The following DPP6 variants were observed in gnomAD, a reference collection of about 807,000 sequenced individuals.
DPP6 encodes the protein A-type potassium channel modulatory protein DPP6.
A neutral mutation model predicts 122.6 loss-of-function variants in DPP6; 69 were observed. That is an observed-to-expected ratio of 0.56 (90% CI 0.46 to 0.69). The LOEUF (loss-of-function observed/expected upper bound fraction) is 0.69. Among genes scored for constraint, DPP6 ranks in the 30% least tolerant of loss-of-function variants. DPP6 has a pLI of 0.00. For synonymous variants in DPP6, 418 were observed against 433.1 expected (o/e 0.97, Z 0.43); for missense variants, 928 against 1,116.9 (o/e 0.83, Z 2.41).
At chr7:154,313,712 T>TATATATATATATATATATATATATATTC in intron 1 of DPP6, among the ~76,000 whole-genome samples, 1 of 24,926 alleles carries the variant, frequency 4.0e-5, no homozygotes, top group Non-Finnish European at 9.8e-5. Flanking sequence ...TATATATATA[T>TATATATATATATATATATATATATATTC]ATACACACAC....
At chr7:154,113,679 C>A (rs915273955) in intron 1 of DPP6, among the ~76,000 whole-genome samples, 1 of 152,170 alleles carries the variant, frequency 6.6e-6, no homozygotes, top group African/African-American at 2.4e-5. Context: ...TGTCATGAAG[C>A]ATTTCCCCCA....
chr7:153,870,921 A>G, the DPP6 span, among the ~76,000 whole-genome samples: 1 of 152,124 alleles, frequency 6.6e-6, no homozygotes, highest in Non-Finnish European at 1.5e-5. Context: ...TCCACTCCAG[A>G]CCTTGTTTGC....
At chr7:154,422,805 G>A (rs115172388) in intron 1 of DPP6, among the ~76,000 whole-genome samples, 62 of 152,226 alleles carry the variant, frequency 4.1e-4, no homozygotes, top group African/African-American at 1.5e-3. Context: ...GCATAGCAAT[G>A]GTAACATAGA....
chr7:154,144,594 T>C (rs1796000706), intron 1 of DPP6, among the ~76,000 whole-genome samples: 2 of 147,886 alleles, frequency 1.4e-5, no homozygotes, highest in African/African-American at 4.9e-5. Context: ...ATGTTCAGAA[T>C]AGAAAGATTT....
chr7:154,214,787 G>A (rs1229124235), intron 1 of DPP6, among the ~76,000 whole-genome samples: 1 of 152,088 alleles, frequency 6.6e-6, no homozygotes, highest in South Asian at 2.1e-4. Flanking sequence ...GTGTGGGGGT[G>A]TGTGCCTATA....
chr7:154,128,506 A>G (rs1442583454), intron 1 of DPP6, among the ~76,000 whole-genome samples: 16 of 152,046 alleles, frequency 1.1e-4, no homozygotes, highest in Non-Finnish European at 2.2e-4. Context: ...GGTTCACGCC[A>G]TTCTCCTGCC....
chr7:153,786,740 G>GAAAAAA, the DPP6 span, among the ~76,000 whole-genome samples: 3 of 31,806 alleles, frequency 9.4e-5, no homozygotes, highest in South Asian at 2.0e-3. Context: ...CTCCGTCTCA[G>GAAAAAA]AAAAAAAAAA....
At chr7:153,911,340 C>A (rs1260086047) in intron 1 of DPP6, among the ~76,000 whole-genome samples, 2 of 152,202 alleles carry the variant, frequency 1.3e-5, no homozygotes, top group African/African-American at 4.8e-5. Context: ...CACTCGCTGT[C>A]CACACCCTTT....
intron 1 of DPP6, among the ~76,000 whole-genome samples, chr7:154,347,845 G>C (rs190562991): frequency 1.3e-5 from 2 of 152,316 alleles, no homozygotes; most frequent in East Asian, 3.9e-4. Flanking sequence ...TGAACAAGAA[G>C]AGTGCCAACT....
chr7:154,422,368 G>C (rs1243301266), intron 1 of DPP6, among the ~76,000 whole-genome samples: 3 of 152,182 alleles, frequency 2.0e-5, no homozygotes, highest in African/African-American at 7.2e-5. Flanking sequence ...AAGCAAATTT[G>C]TGTATGTGGG....
At chr7:153,989,471 G>A (rs1192166092) in intron 1 of DPP6, among the ~76,000 whole-genome samples, 2 of 151,638 alleles carry the variant, frequency 1.3e-5, no homozygotes, top group South Asian at 2.1e-4. Context: ...TCCTGGGCTG[G>A]CCGCTGTCCT....
chr7:153,910,403 A>G (rs1563224835), intron 1 of DPP6, among the ~76,000 whole-genome samples: 1 of 151,370 alleles, frequency 6.6e-6, no homozygotes, highest in African/African-American at 2.4e-5. Flanking sequence ...AATTTTGACC[A>G]CTTTCTTTAT....
At chr7:154,718,931 A>T (rs1362978480) in intron 7 of DPP6, among the ~76,000 whole-genome samples, 1 of 151,830 alleles carries the variant, frequency 6.6e-6, no homozygotes. Flanking sequence ...TAAGATCTTT[A>T]TCTCTCTGCC....
chr7:154,114,978 A>T (rs1006785836), intron 1 of DPP6, among the ~76,000 whole-genome samples: 2 of 152,220 alleles, frequency 1.3e-5, no homozygotes, highest in East Asian at 1.9e-4. Flanking sequence ...CGGCCGCCTC[A>T]TGGGCATGCT....
At chr7:154,323,763 T>C (rs1432023821) in intron 1 of DPP6, among the ~76,000 whole-genome samples, 1 of 152,232 alleles carries the variant, frequency 6.6e-6, no homozygotes, top group Non-Finnish European at 1.5e-5. Context: ...CCATGCTGTT[T>C]CATAAACTTC....
the DPP6 span, among the ~76,000 whole-genome samples, chr7:153,871,311 T>C: frequency 6.6e-6 from 1 of 152,196 alleles, no homozygotes; most frequent in Non-Finnish European, 1.5e-5. Context: ...AGTTTGAGCT[T>C]CCCGGCTGCT....
intron 6 of DPP6, among the ~76,000 whole-genome samples, chr7:154,638,597 C>T (rs1007159252): frequency 7.9e-5 from 12 of 151,902 alleles, no homozygotes; most frequent in Non-Finnish European, 1.6e-4. Flanking sequence ...AGAGCAGGAG[C>T]GAGTTTAGTT....
intron 1 of DPP6, among the ~76,000 whole-genome samples, chr7:154,068,251 T>C (rs1200068173): frequency 6.6e-6 from 1 of 150,988 alleles, no homozygotes; most frequent in Admixed American, 6.6e-5. Flanking sequence ...GTTTGTATTT[T>C]GAGGTTATTA....
chr7:154,245,364 G>A (rs1245842844), intron 1 of DPP6, among the ~76,000 whole-genome samples: 1 of 151,796 alleles, frequency 6.6e-6, no homozygotes, highest in Non-Finnish European at 1.5e-5. Flanking sequence ...GCCAGGCATG[G>A]TGGCTCAGGT....
Sources: gnomAD v4.1 joint callset for allele counts (sites outside exome capture counted in the v4.1 genomes callset) on GRCh38, gnomAD v4.1.1 for gene constraint, MANE v1.5 for transcripts, NCBI Gene and HGNC (gene_info 2026-07-23, HGNC 2026-07-21) for gene names.